Variants in GALNT17 observed in about 807,000 individuals in gnomAD.
The protein encoded by GALNT17 is UDP-GalNAc:polypeptide N-acetylgalactosaminyltransferase-like 3.
A neutral mutation model predicts 63.7 loss-of-function variants in GALNT17; 29 were observed. That is an observed-to-expected ratio of 0.46 (90% CI 0.34 to 0.62). GALNT17 has a LOEUF of 0.62. GALNT17 is among the 20% of genes least tolerant of loss of function. The probability of loss-of-function intolerance (pLI) is 0.01; values close to 1 mark genes in which losing one functional copy is unlikely to be tolerated. For synonymous variants in GALNT17, 305 were observed against 318.3 expected (o/e 0.96, Z 0.45); for missense variants, 603 against 799.6 (o/e 0.75, Z 2.97).
intron 3 of GALNT17, among the ~76,000 whole-genome samples, chr7:71,397,243 A>G (rs1044660080): frequency 6.6e-6 from 1 of 152,178 alleles, no homozygotes; most frequent in Non-Finnish European, 1.5e-5. Context: ...TCTGGAGAAG[A>G]CGGCTAAGTC....
chr7:71,229,894 G>A (rs193135734), intron 1 of GALNT17, among the ~76,000 whole-genome samples: 7 of 152,322 alleles, frequency 4.6e-5, no homozygotes, highest in Admixed American at 1.3e-4. Flanking sequence ...AGCCAAGAGC[G>A]GCAGCCTGTG....
At chr7:71,218,116 G>A (rs958335441) in intron 1 of GALNT17, among the ~76,000 whole-genome samples, 6 of 152,114 alleles carry the variant, frequency 3.9e-5, no homozygotes, top group Non-Finnish European at 5.9e-5. Context: ...ATGGTAGGCC[G>A]GGCGTGGTAG....
intron 3 of GALNT17, among the ~76,000 whole-genome samples, chr7:71,401,535 A>C (rs1397400003): frequency 6.6e-6 from 1 of 152,180 alleles, no homozygotes; most frequent in Non-Finnish European, 1.5e-5. Flanking sequence ...GCCGCACAGC[A>C]GGAGGTGAGA....
chr7:71,544,889 C>G (rs1007417299), intron 5 of GALNT17, among the ~76,000 whole-genome samples: 10 of 147,638 alleles, frequency 6.8e-5, no homozygotes, highest in African/African-American at 2.5e-4. Context: ...TAATTTAATA[C>G]CTGCACCCCC....
At chr7:71,504,226 CAAA>C (rs573686607) in intron 5 of GALNT17, among the ~76,000 whole-genome samples, 2 of 105,166 alleles carry the variant, frequency 1.9e-5, no homozygotes, top group Non-Finnish European at 2.0e-5. Context: ...GACTCCATCT[CAAA>C]AAAAAAAAAA....
chr7:71,270,514 G>A (rs143405928), intron 1 of GALNT17, among the ~76,000 whole-genome samples: 1 of 120,512 alleles, frequency 8.3e-6, no homozygotes, highest in Non-Finnish European at 1.6e-5. Context: ...GACAGTGCGA[G>A]ACTACGTACC....
intron 3 of GALNT17, among the ~76,000 whole-genome samples, chr7:71,394,295 A>C (rs1305928594): frequency 6.6e-6 from 1 of 152,124 alleles, no homozygotes; most frequent in Non-Finnish European, 1.5e-5. Context: ...TGGAGAACTC[A>C]CTGAATTCCA....
intron 2 of GALNT17, among the ~76,000 whole-genome samples, chr7:71,372,267 C>T (rs921547153): frequency 3.9e-5 from 6 of 152,278 alleles, no homozygotes; most frequent in East Asian, 3.9e-4. Flanking sequence ...CGGCCTCAAG[C>T]GATTCTCCTG....
rs1789692054 is a variant in GALNT17, at chr7:71,584,840, T to C, written c.1080+13438T>C. On this transcript the variant is annotated intron_variant, in intron 6 of 10. Transcript: ENST00000333538. ...CGCGATCTCCACTCACTGCAAGCTC[T>C]GCCTCTCGAGTTCACGCCATTCTCC... Among the ~76,000 whole-genome samples the C allele has an allele frequency of 2.6e-5, 4 of 152,266 alleles. 1 individual carries two copies. The highest frequency in any genetic ancestry group is 2.6e-4 in the Admixed American group (4 of 15,286).
intron 1 of GALNT17, among the ~76,000 whole-genome samples, chr7:71,306,990 A>T (rs1367014458): frequency 6.6e-6 from 1 of 151,968 alleles, no homozygotes; most frequent in East Asian, 1.9e-4. Flanking sequence ...CACCTGGCTA[A>T]TTTTTGTATT....
At chr7:71,591,824 A>G (rs1806803) in intron 6 of GALNT17, among the ~76,000 whole-genome samples, 92,274 of 151,758 alleles carry the variant, frequency 0.61, 29,870 homozygotes, top group Middle Eastern at 0.78. Context: ...CACCACGCCC[A>G]GCTAATTTTT....
intron 2 of GALNT17, among the ~76,000 whole-genome samples, chr7:71,361,060 G>T (rs1465725856): frequency 1.3e-5 from 2 of 152,106 alleles, no homozygotes; most frequent in South Asian, 4.1e-4. Context: ...AGCTCTTATT[G>T]AATAAATATG....
At chr7:71,692,807 C>T (rs969347441) in intron 9 of GALNT17, among the ~76,000 whole-genome samples, 2 of 150,938 alleles carry the variant, frequency 1.3e-5, no homozygotes, top group African/African-American at 4.9e-5. Flanking sequence ...GGCGTGATCT[C>T]AGCTCACTGC....
At chr7:71,386,894 T>C (rs1792955774) in intron 2 of GALNT17, among the ~76,000 whole-genome samples, 1 of 152,168 alleles carries the variant, frequency 6.6e-6, no homozygotes. Context: ...AGCTCTGTGA[T>C]AGCAGGAACC....
rs1464763767 is a variant in GALNT17 at position 71,137,665 on chromosome 7, A to AGCCATCTTGCCTCC, written c.238+4635_238+4648dup. 5.3e-5 allele frequency among the ~76,000 whole-genome samples: 8 copies of AGCCATCTTGCCTCC among 152,276 alleles called. No homozygotes were observed. In the South Asian group the frequency reaches 1.5e-3, roughly 28 times the overall value. On this transcript the variant is annotated intron_variant, in intron 1 of 10. Transcript: ENST00000333538. ...CTCAGCTAGAGAGACAGTGTGAGGA[A>AGCCATCTTGCCTCC]GCCATCTTGCCTCCGCCATCTTGAG... is the stretch of plus-strand genomic sequence containing the variant.
intron 1 of GALNT17, among the ~76,000 whole-genome samples, chr7:71,199,496 C>T (rs557611651): frequency 2.4e-4 from 37 of 151,874 alleles, no homozygotes; most frequent in Non-Finnish European, 5.1e-4. Flanking sequence ...CATCCACACA[C>T]ACATCCATCC....
chr7:71,581,015 G>A (rs1351024270), intron 6 of GALNT17, among the ~76,000 whole-genome samples: 3 of 152,118 alleles, frequency 2.0e-5, no homozygotes, highest in Admixed American at 2.0e-4. Flanking sequence ...ACAAAAGACA[G>A]TTAATTGATT....
At chr7:71,621,694 A>G (rs992687542) in intron 6 of GALNT17, among the ~76,000 whole-genome samples, 5 of 152,220 alleles carry the variant, frequency 3.3e-5, no homozygotes, top group Non-Finnish European at 7.3e-5. Context: ...CAACAGATAA[A>G]AATATTTTTT....
At chr7:71,583,995 G>A (rs1160304151) in intron 6 of GALNT17, among the ~76,000 whole-genome samples, 1 of 152,016 alleles carries the variant, frequency 6.6e-6, no homozygotes, top group Non-Finnish European at 1.5e-5. Flanking sequence ...AGCCGGGCGT[G>A]GTGGCACGCG....
Sources: gnomAD v4.1 joint callset for allele counts (sites outside exome capture counted in the v4.1 genomes callset) on GRCh38, gnomAD v4.1.1 for gene constraint, MANE v1.5 for transcripts, NCBI Gene and HGNC (gene_info 2026-07-23, HGNC 2026-07-21) for gene names.